SYT1: variants seen among roughly 807,000 people sequenced by gnomAD.
SYT1 encodes synaptotagmin-1.
In SYT1, 8 loss-of-function variants were observed where a neutral mutation model predicts 44.8. The observed-to-expected ratio is 0.18, with a 90% CI of 0.10 to 0.32. The LOEUF (loss-of-function observed/expected upper bound fraction) is 0.32. Among genes scored for constraint, SYT1 ranks in the 10% least tolerant of loss-of-function variants. The pLI, the probability that SYT1 is intolerant of heterozygous loss-of-function variation, is 1.00. For synonymous variants in SYT1, 154 were observed against 188.8 expected (o/e 0.82, Z 1.51); for missense variants, 286 against 509.3 (o/e 0.56, Z 4.22).
chr12:78,994,482 TCTC>T lies in SYT1; in HGVS notation c.-84+16554_-84+16556del, dbSNP rs199911513. 2.0e-3 allele frequency among the ~76,000 whole-genome samples: 291 copies of T among 148,158 alleles called. 1 individual carries two copies. The highest frequency in any genetic ancestry group is 0.015 in the Admixed American group (220 of 14,450). On this transcript the variant is annotated intron_variant, in intron 2 of 10. Coordinates refer to ENST00000261205, the MANE Select transcript of SYT1 (RefSeq NM_005639.3). ...TTCTTTTTCTTTGTTTTCTTTTTCT[TCTC>T]CTTTTTTTTTTTTTTCTTTTCGCTT... is the stretch of plus-strand genomic sequence containing the variant.
intron 3 of SYT1, among the ~76,000 whole-genome samples, chr12:79,137,466 T>C (rs1869274013): frequency 6.6e-6 from 1 of 152,260 alleles, no homozygotes; most frequent in East Asian, 1.9e-4. Context: ...ATAAAGCAGC[T>C]GACATTATAC....
At chr12:78,969,909 G>T (rs10506798) in intron 1 of SYT1, among the ~76,000 whole-genome samples, 1 of 152,042 alleles carries the variant, frequency 6.6e-6, no homozygotes, top group African/African-American at 2.4e-5. Flanking sequence ...CCCAGGATTC[G>T]ATGTCTATTG....
chr12:79,358,952 TTTC>T (rs1883218008), intron 9 of SYT1, among the ~76,000 whole-genome samples: 1 of 152,182 alleles, frequency 6.6e-6, no homozygotes, highest in South Asian at 2.1e-4. Context: ...ACAAATTGAT[TTTC>T]TTGCTTCACT....
chr12:78,986,667 T>C (rs1869662961), intron 2 of SYT1, among the ~76,000 whole-genome samples: 1 of 152,052 alleles, frequency 6.6e-6, no homozygotes, highest in Non-Finnish European at 1.5e-5. Context: ...TTCATTCATG[T>C]CCTGAAACTA....
intron 8 of SYT1, among the ~76,000 whole-genome samples, chr12:79,347,049 T>C (rs1882643160): frequency 6.6e-6 from 1 of 151,094 alleles, no homozygotes; most frequent in Non-Finnish European, 1.5e-5. Context: ...TTCTTTTTTT[T>C]TTTTTTTTTG....
chr12:79,162,982 A>T (rs1418432992), intron 3 of SYT1, among the ~76,000 whole-genome samples: 1 of 152,122 alleles, frequency 6.6e-6, no homozygotes, highest in African/African-American at 2.4e-5. Flanking sequence ...AATCTCATCC[A>T]CCAAGGTGCA....
At chr12:79,346,476 G>A (rs963870393) in intron 8 of SYT1, among the ~76,000 whole-genome samples, 1 of 152,102 alleles carries the variant, frequency 6.6e-6, no homozygotes, top group African/African-American at 2.4e-5. Context: ...CAAGGCAATT[G>A]ACTAAAATAA....
chr12:79,442,838 A>G (rs1402134298), intron 9 of SYT1, among the ~76,000 whole-genome samples: 1 of 152,218 alleles, frequency 6.6e-6, no homozygotes, highest in African/African-American at 2.4e-5. Context: ...GAGAGAGGAA[A>G]GAAAATTTGA....
intron 2 of SYT1, among the ~76,000 whole-genome samples, chr12:79,003,364 C>T (rs530682668): frequency 1.6e-4 from 24 of 151,936 alleles, no homozygotes; most frequent in African/African-American, 2.4e-4. Context: ...TTCTAGTGTA[C>T]CTGCCTTCCT....
chr12:79,322,252 A>G (rs1204317989), intron 8 of SYT1, among the ~76,000 whole-genome samples: 1 of 152,190 alleles, frequency 6.6e-6, no homozygotes, highest in African/African-American at 2.4e-5. Flanking sequence ...AGTTTAACGC[A>G]TAACTTATTC....
intron 9 of SYT1, among the ~76,000 whole-genome samples, chr12:79,354,026 C>T (rs1381361657): frequency 6.6e-6 from 1 of 152,104 alleles, no homozygotes; most frequent in Non-Finnish European, 1.5e-5. Flanking sequence ...ATTTGATAGC[C>T]TAACATAGTT....
At chr12:79,168,629 CT>C (rs1871344106) in intron 3 of SYT1, among the ~76,000 whole-genome samples, 1 of 151,952 alleles carries the variant, frequency 6.6e-6, no homozygotes. Context: ...TTTCTGAGGT[CT>C]TTTTCATGAA....
intron 9 of SYT1, among the ~76,000 whole-genome samples, chr12:79,374,024 A>C (rs1312168655): frequency 6.6e-6 from 1 of 152,224 alleles, no homozygotes; most frequent in Non-Finnish European, 1.5e-5. Context: ...AGCGCAATAC[A>C]TAGAAAAATG....
At chr12:79,069,859 G>A (rs551613274) in intron 3 of SYT1, among the ~76,000 whole-genome samples, 1 of 152,142 alleles carries the variant, frequency 6.6e-6, no homozygotes, top group East Asian at 1.9e-4. Flanking sequence ...AAATACTGCT[G>A]TTTTGAGATG....
chr12:79,427,090 C>A (rs1166451124), intron 9 of SYT1, among the ~76,000 whole-genome samples: 5 of 152,226 alleles, frequency 3.3e-5, no homozygotes, highest in Non-Finnish European at 7.3e-5. Context: ...TTATAAATTA[C>A]CCAGTCTCAG....
intron 3 of SYT1, among the ~76,000 whole-genome samples, chr12:79,080,119 GA>G (rs1876930588): frequency 6.6e-6 from 1 of 151,956 alleles, no homozygotes; most frequent in Non-Finnish European, 1.5e-5. Context: ...CTTTCAATGA[GA>G]TTAAGCATTT....
chr12:79,386,046 GCTGCCTAGCTGCTACTTTAAACCAACA>G, intron 9 of SYT1, among the ~76,000 whole-genome samples: 2 of 152,310 alleles, frequency 1.3e-5, no homozygotes, highest in South Asian at 4.1e-4. Flanking sequence ...CTGCTGCAGT[GCTGCCTAGCTGCTACTTTAAACCAACA>G]CTGGCTCATC....
intron 3 of SYT1, among the ~76,000 whole-genome samples, chr12:79,068,070 A>G (rs1256888773): frequency 2.0e-5 from 3 of 152,182 alleles, no homozygotes; most frequent in African/African-American, 4.8e-5. Flanking sequence ...AATCTTATCA[A>G]TTTGGGTTGA....
intron 4 of SYT1, among the ~76,000 whole-genome samples, chr12:79,219,003 C>T (rs980234882): frequency 1.2e-4 from 19 of 152,126 alleles, no homozygotes; most frequent in Admixed American, 4.6e-4. Context: ...GTTCCCTTTT[C>T]TCCACATCCT....
Sources: gnomAD v4.1 joint callset for allele counts (sites outside exome capture counted in the v4.1 genomes callset) on GRCh38, gnomAD v4.1.1 for gene constraint, MANE v1.5 for transcripts, NCBI Gene and HGNC (gene_info 2026-07-23, HGNC 2026-07-21) for gene names.